SUSD1: variants seen among roughly 807,000 people sequenced by gnomAD.
The protein encoded by SUSD1 is sushi domain containing 1, also known as sushi domain-containing protein 1.
Under a neutral mutation model 86.9 loss-of-function variants are expected in SUSD1, and 65 were observed. The observed-to-expected ratio is 0.75, with a 90% confidence interval of 0.61 to 0.92. SUSD1 has a LOEUF of 0.92. Among genes scored for constraint, SUSD1 ranks in the 40% least tolerant of loss-of-function variants. The pLI, the probability that SUSD1 is intolerant of heterozygous loss-of-function variation, is 0.00. For synonymous variants in SUSD1, 346 were observed against 350.0 expected (o/e 0.99, Z 0.13); for missense variants, 850 against 929.7 (o/e 0.91, Z 1.11).
intron 14 of SUSD1, among the ~76,000 whole-genome samples, chr9:112,057,409 G>C (rs1029885527): frequency 2.6e-5 from 4 of 152,204 alleles, no homozygotes; most frequent in South Asian, 4.1e-4. Context: ...TGTACTGCCA[G>C]TGTTTTGTCT....
In SUSD1 at chr9:112,041,866, C is replaced by T; in HGVS notation, c.2243+1G>A. 1 of 1,613,332 alleles carries T rather than the reference C, an allele frequency of 6.2e-7. No individual in the cohort carries two copies. Among genetic ancestry groups the T allele is most frequent in the South Asian group, 1.1e-5 (1 of 90,934 alleles). ...TTCTCAAAAATGACACCCTCACATA[C>T]CACACCGCTGAGAAGGAGAGGAATG... is the stretch of plus-strand genomic sequence containing the variant. On this transcript the variant is annotated splice_donor_variant, in intron 16 of 16. Transcript: ENST00000374270. LOFTEE classifies it high-confidence loss of function.
At chr9:112,135,530 T>A (rs1181384628) in intron 5 of SUSD1, among the ~76,000 whole-genome samples, 1 of 152,226 alleles carries the variant, frequency 6.6e-6, no homozygotes, top group Non-Finnish European at 1.5e-5. Flanking sequence ...GTGACAATAA[T>A]GTTTGTTGAT....
At chr9:112,111,080 C>T (rs543233182) in intron 8 of SUSD1, among the ~76,000 whole-genome samples, 2 of 152,186 alleles carry the variant, frequency 1.3e-5, no homozygotes, top group African/African-American at 4.8e-5. Context: ...GCAACTTCTG[C>T]CCCCTGGGTT....
At chr9:112,052,237 AC>A in intron 15 of SUSD1, 161 bp downstream of exon 15, 2 of 1,536,240 alleles carry the variant, frequency 1.3e-6, no homozygotes, top group Non-Finnish European at 1.7e-6. Flanking sequence ...CCATCCACTC[AC>A]CCTCCTCCCA....
intron 1 of SUSD1, among the ~76,000 whole-genome samples, chr9:112,158,489 C>T (rs1833433817): frequency 1.3e-5 from 2 of 151,936 alleles, no homozygotes; most frequent in African/African-American, 2.4e-5. Context: ...CTCCCGGGCT[C>T]ATGCAATTCT....
chr9:112,147,004 T>C (rs1474961053), intron 3 of SUSD1, among the ~76,000 whole-genome samples: 1 of 152,208 alleles, frequency 6.6e-6, no homozygotes, highest in Admixed American at 6.5e-5. Context: ...TATACAGTTG[T>C]AAGTTTTCCC....
intron 1 of SUSD1, among the ~76,000 whole-genome samples, chr9:112,159,933 C>A (rs1303902513): frequency 6.6e-6 from 1 of 150,834 alleles, no homozygotes; most frequent in Non-Finnish European, 1.5e-5. Context: ...TAAAAAAGAA[C>A]ACACAAAACA....
chr9:112,155,811 AG>A (rs1207810322), intron 2 of SUSD1, among the ~76,000 whole-genome samples: 1 of 151,004 alleles, frequency 6.6e-6, no homozygotes, highest in Non-Finnish European at 1.5e-5. Flanking sequence ...AAAATGAAGA[AG>A]GGGAAGAAGA....
intron 14 of SUSD1, 82 bp from the exon 15 acceptor site, chr9:112,052,520 T>C (rs1828261184): frequency 6.6e-7 from 1 of 1,504,100 alleles, no homozygotes; most frequent in Non-Finnish European, 9.2e-7. Context: ...TGAAGCCCTC[T>C]GAGTTTCAGC....
rs146843448 is a variant in SUSD1, at chr9:112,041,911, C to G, written c.2199G>C (p.Leu733=). Residue 733 remains leucine (L), a synonymous_variant, in exon 16 of 17, where the codon CTG becomes CTC. Transcript: ENST00000374270. ...GGAATGTGAGAATGATCACAACAGC[C>G]AGGGAACCCAGTCCAACACCCGCCA... ...LQMAGVGLGS[L]AVVIILTFLS... 1.2e-5 allele frequency: 19 copies of G among 1,613,930 alleles called. No individual in the cohort carries two copies. In the East Asian group the frequency reaches 2.5e-4, roughly 21 times the overall value.
intron 5 of SUSD1, among the ~76,000 whole-genome samples, chr9:112,138,525 C>A (rs896683542): frequency 3.3e-5 from 5 of 149,400 alleles, no homozygotes; most frequent in Non-Finnish European, 7.4e-5. Context: ...GTGGCACAAT[C>A]TCAGCTCACA....
intron 2 of SUSD1, among the ~76,000 whole-genome samples, chr9:112,153,444 T>C (rs897949792): frequency 5.3e-5 from 8 of 152,094 alleles, no homozygotes; most frequent in African/African-American, 1.4e-4. Context: ...ATGATAACAA[T>C]GCTTTCTTCT....
At chr9:112,065,297 C>T (rs191671211) in intron 12 of SUSD1, among the ~76,000 whole-genome samples, 9 of 152,144 alleles carry the variant, frequency 5.9e-5, no homozygotes, top group Non-Finnish European at 1.3e-4. Flanking sequence ...CAGAGGTGGG[C>T]GGATCACTTG....
chr9:112,044,559 A>T (rs1258103272), intron 15 of SUSD1, among the ~76,000 whole-genome samples: 1 of 152,218 alleles, frequency 6.6e-6, no homozygotes, highest in African/African-American at 2.4e-5. Flanking sequence ...GTTTCAGATC[A>T]TTGGGGAAAT....
At chr9:112,059,882 C>T (rs1589591148) in intron 13 of SUSD1, among the ~76,000 whole-genome samples, 1 of 152,246 alleles carries the variant, frequency 6.6e-6, no homozygotes, top group African/African-American at 2.4e-5. Context: ...GGGATCTGAA[C>T]GACTGACTTG....
intron 15 of SUSD1, among the ~76,000 whole-genome samples, chr9:112,051,408 CTTTTTTTT>C (rs746946192): frequency 0.025 from 1,964 of 77,094 alleles, 51 homozygotes; most frequent in African/African-American, 0.085. Flanking sequence ...TTTTTCTTTT[CTTTTTTTT>C]TTTTTTTTTT....
At chr9:112,068,649 C>T (rs1353825985) in intron 12 of SUSD1, among the ~76,000 whole-genome samples, 1 of 150,826 alleles carries the variant, frequency 6.6e-6, no homozygotes, top group Non-Finnish European at 1.5e-5. Flanking sequence ...TTGCAGTGAG[C>T]CAAGATTGCA....
At chr9:112,076,663 A>G (rs1829528819) in intron 12 of SUSD1, among the ~76,000 whole-genome samples, 1 of 152,244 alleles carries the variant, frequency 6.6e-6, no homozygotes. Context: ...AATCCTCTGC[A>G]TATAGGTAAT....
intron 14 of SUSD1, among the ~76,000 whole-genome samples, chr9:112,057,161 C>T (rs1564251137): frequency 6.6e-6 from 1 of 152,182 alleles, no homozygotes. Context: ...CGTGAGGACA[C>T]TGTAAGAAGG....
Sources: allele counts gnomAD v4.1 joint callset (sites outside exome capture counted in the v4.1 genomes callset), GRCh38; gene constraint gnomAD v4.1.1; transcripts MANE v1.5; gene names NCBI Gene and HGNC (gene_info 2026-07-23, HGNC 2026-07-21).